FAM89A: variants seen among roughly 807,000 people sequenced by gnomAD.
FAM89A encodes the protein family with sequence similarity 89 member A.
FAM89A carries 10 observed loss-of-function variants against 7.1 expected under a neutral mutation model. That is an observed-to-expected ratio of 1.40 (90% CI 0.86 to 2.38). The LOEUF is 2.38. Ranked by LOEUF, FAM89A falls within the 30% of genes most tolerant of loss-of-function variation. The probability of loss-of-function intolerance (pLI) is 0.00; values close to 1 mark genes in which losing one functional copy is unlikely to be tolerated. For synonymous variants in FAM89A, 157 were observed against 129.3 expected (o/e 1.21, Z -1.45); for missense variants, 276 against 262.8 (o/e 1.05, Z -0.35).
intron 1 of FAM89A, among the ~76,000 whole-genome samples, chr1:231,028,075 A>G (rs1278397527): frequency 1.3e-5 from 2 of 152,238 alleles, no homozygotes; most frequent in African/African-American, 4.8e-5. Flanking sequence ...GCCTGGCTGC[A>G]GAGATCTCAC....
intron 1 of FAM89A, among the ~76,000 whole-genome samples, chr1:231,035,025 A>G (rs1680137532): frequency 6.6e-6 from 1 of 152,200 alleles, no homozygotes; most frequent in South Asian, 2.1e-4. Flanking sequence ...ACTAGGAGCG[A>G]ATCCCCTTAT....
rs1417382921 is a variant in FAM89A, at chr1:231,019,064, G to A, written c.*799C>T. ...TAAGGTAATTACTGGTTTGAGTGGC[G>A]GGTGGTTTGCTTTCTAGCACACTAG... On this transcript the variant is annotated 3_prime_UTR_variant, in exon 2 of 2. Coordinates refer to ENST00000366654, the MANE Select transcript of FAM89A (RefSeq NM_198552.3). 4.6e-5 allele frequency: 7 copies of A among 152,078 alleles called. No homozygotes were observed. The South Asian group carries it at 8.3e-4, about 18-fold the overall frequency. The allele number at this position is 152,078 out of a possible 1,614,324, so 9.4% of individuals were successfully genotyped here.
At chr1:231,036,637 G>A (rs1444116691) in intron 1 of FAM89A, among the ~76,000 whole-genome samples, 2 of 151,936 alleles carry the variant, frequency 1.3e-5, no homozygotes, top group Non-Finnish European at 2.9e-5. Flanking sequence ...GCAGTCATGA[G>A]ACAGACCCTT....
Position 231,040,184 on chromosome 1 carries a change from C to T in FAM89A, c.28G>A (p.Ala10Thr), listed in dbSNP as rs769848650. The T allele has an allele frequency of 1.2e-5, 14 of 1,122,668 alleles. No individual in the cohort carries two copies. In the South Asian group the frequency reaches 5.1e-4, roughly 41 times the overall value. The allele number at this position is 1,122,668 out of a possible 1,614,324, so 69.5% of individuals were successfully genotyped here. A position where few individuals can be genotyped will look rare whatever the true frequency, so the allele number is the denominator to read the frequency against. MSGARAAPG[A>T]AGNGAVRGLR... ...CCCCGGACCGCGCCGTTGCCCGCGG[C>T]CCCGGGCGCCGCCCGGGCCCCACTC... is the stretch of plus-strand genomic sequence containing the variant. The change falls in exon 1 of 2, where the codon GCC becomes ACC. Residue 10 changes from alanine (A) to threonine (T), a missense_variant. Coordinates refer to ENST00000366654, the MANE Select transcript of FAM89A (RefSeq NM_198552.3).
chr1:231,034,507 T>C (rs1369147790), intron 1 of FAM89A, among the ~76,000 whole-genome samples: 1 of 152,212 alleles, frequency 6.6e-6, no homozygotes, highest in East Asian at 1.9e-4. Flanking sequence ...GCACAGTGGC[T>C]CACGCCTGTA....
At chr1:231,034,911 G>A (rs545208456) in intron 1 of FAM89A, among the ~76,000 whole-genome samples, 4 of 152,242 alleles carry the variant, frequency 2.6e-5, no homozygotes, top group African/African-American at 7.2e-5. Flanking sequence ...TTTGGGGATC[G>A]CTGTGCTAGA....
chr1:231,035,166 G>C (rs148977088), intron 1 of FAM89A, among the ~76,000 whole-genome samples: 2 of 152,310 alleles, frequency 1.3e-5, no homozygotes, highest in Non-Finnish European at 2.9e-5. Context: ...CAGCTAATGA[G>C]CTGGAATCCA....
At chr1:231,032,056 A>C (rs1680079748) in intron 1 of FAM89A, among the ~76,000 whole-genome samples, 2 of 152,144 alleles carry the variant, frequency 1.3e-5, no homozygotes, top group Admixed American at 6.5e-5. Context: ...TTTACCAATA[A>C]AGTGATTCAA....
intron 1 of FAM89A, among the ~76,000 whole-genome samples, chr1:231,022,988 CAT>C (rs1448047072): frequency 6.6e-6 from 1 of 152,132 alleles, no homozygotes; most frequent in Non-Finnish European, 1.5e-5. Flanking sequence ...AGGACAGGCA[CAT>C]GTTTGGGTGT....
chr1:231,022,418 A>G (rs1679894578), intron 1 of FAM89A, among the ~76,000 whole-genome samples: 1 of 152,152 alleles, frequency 6.6e-6, no homozygotes, highest in South Asian at 2.1e-4. Context: ...AGAGTGAGAG[A>G]AAGGGAGTCA....
At chr1:231,026,641 A>G (rs1344008816) in intron 1 of FAM89A, 2 of 152,184 alleles carry the variant, frequency 1.3e-5, no homozygotes, top group African/African-American at 4.8e-5. Context: ...CTTCTCTCCA[A>G]GCTAAATATC....
At chr1:231,027,059 T>C (rs1354629294) in intron 1 of FAM89A, 1 of 152,162 alleles carries the variant, frequency 6.6e-6, no homozygotes, top group African/African-American at 2.4e-5. Context: ...CAGGTCTGCT[T>C]TTCTCCTTCC....
At chr1:231,036,713 G>A (rs1680161563) in intron 1 of FAM89A, among the ~76,000 whole-genome samples, 1 of 152,110 alleles carries the variant, frequency 6.6e-6, no homozygotes, top group Non-Finnish European at 1.5e-5. Flanking sequence ...TCCTCCCATT[G>A]AGATGGTATT....
chr1:231,031,339 C>T (rs903727135), intron 1 of FAM89A, among the ~76,000 whole-genome samples: 8 of 152,090 alleles, frequency 5.3e-5, no homozygotes, highest in Non-Finnish European at 8.8e-5. Flanking sequence ...TCTTTGCTAC[C>T]GCCCTTTAGT....
chr1:231,029,946 T>C (rs950525377), intron 1 of FAM89A, among the ~76,000 whole-genome samples: 1 of 152,200 alleles, frequency 6.6e-6, no homozygotes, highest in Non-Finnish European at 1.5e-5. Flanking sequence ...ATAAAAGATA[T>C]GTTGACTGAA....
intron 1 of FAM89A, among the ~76,000 whole-genome samples, chr1:231,037,740 G>A (rs1572359232): frequency 1.3e-5 from 2 of 152,078 alleles, no homozygotes; most frequent in East Asian, 3.8e-4. Flanking sequence ...CCCAGTTCCA[G>A]CTCCGCAGCT....
intron 1 of FAM89A, among the ~76,000 whole-genome samples, chr1:231,032,002 C>T (rs992870992): frequency 2.0e-5 from 3 of 152,144 alleles, no homozygotes; most frequent in Non-Finnish European, 4.4e-5. Flanking sequence ...CAACCCCGGG[C>T]CTCAAGTCCA....
At position 231,031,188 on chromosome 1, in the gene FAM89A, G is replaced by A. The variant is rs1023693671; in HGVS notation, c.291+8733C>T. 3.3e-5 allele frequency among the ~76,000 whole-genome samples: 5 copies of A among 152,138 alleles called. No homozygotes were observed. The South Asian group carries it at 6.2e-4, about 19-fold the overall frequency. ...TTTTCATAAATCTTTTTAAATATCT[G>A]GCTTATCTGGTTCTGCATTTGGTCC... On this transcript the variant is annotated intron_variant, in intron 1 of 1. Coordinates refer to ENST00000366654, the MANE Select transcript of FAM89A (RefSeq NM_198552.3).
chr1:231,027,637 G>A (rs1679996762), intron 1 of FAM89A, among the ~76,000 whole-genome samples: 1 of 151,914 alleles, frequency 6.6e-6, no homozygotes, highest in African/African-American at 2.4e-5. Context: ...AGCTGTGGCT[G>A]TTTAAACAGC....
Sources: allele counts gnomAD v4.1 joint callset (sites outside exome capture counted in the v4.1 genomes callset), GRCh38; gene constraint gnomAD v4.1.1; transcripts MANE v1.5; gene names NCBI Gene and HGNC (gene_info 2026-07-23, HGNC 2026-07-21).